Variants in SLC6A8 observed in about 807,000 individuals in gnomAD.
SLC6A8 encodes solute carrier family 6 member 8.
In SLC6A8, 6 loss-of-function variants were observed where a neutral mutation model predicts 48.3. The observed-to-expected ratio is 0.12, with a 90% confidence interval of 0.07 to 0.25. SLC6A8 has a LOEUF of 0.25. SLC6A8 is among the 10% of genes least tolerant of loss of function. SLC6A8 has a pLI of 1.00. For synonymous variants in SLC6A8, 245 were observed against 244.0 expected (o/e 1.00, Z -0.04); for missense variants, 260 against 551.5 (o/e 0.47, Z 5.29).
rs1191550831 is a variant in SLC6A8 at position 153,692,451 on chromosome X, C to T, written c.777+344C>T. On this transcript the variant is annotated intron_variant, in intron 4 of 12. Coordinates refer to ENST00000253122, the MANE Select transcript of SLC6A8 (RefSeq NM_005629.4). The stretch of plus-strand genomic sequence containing the variant: ...CCCAGAGCAGAGTCTGGCCACATCC[C>T]TTGGGGGCTCCTGGTCAGGCTGGGG... The T allele has an allele frequency of 2.8e-5, 10 of 353,885 alleles. No homozygotes were observed. In the East Asian group the frequency reaches 6.7e-4, roughly 24 times the overall value. The allele number at this position is 353,885 out of a possible 1,213,427, so 29.2% of individuals were successfully genotyped here.
chrX:153,693,839 A>T (rs2091471484), intron 7 of SLC6A8, 66 bp from the exon 8 acceptor site: 2 of 938,682 alleles, frequency 2.1e-6, no homozygotes, highest in African/African-American at 3.8e-5. Context: ...TGTTGCAGGC[A>T]GGGCTCAGGG....
intron 10 of SLC6A8, 24 bp downstream of exon 10, chrX:153,694,470 C>A: frequency 8.4e-7 from 1 of 1,194,328 alleles, no homozygotes; most frequent in Non-Finnish European, 1.1e-6. Flanking sequence ...GAGGGCTGGG[C>A]TGGGGGATGG....
Position 153,694,484 on chromosome X carries a change from C to T in SLC6A8, c.1495+38C>T, listed in dbSNP as rs200729826. 4.0e-3 allele frequency: 4,715 copies of T among 1,188,115 alleles called. 93 individuals carry two copies. The South Asian group carries it at 0.077, about 19-fold the overall frequency. ...TGAGGGCTGGGCTGGGGGATGGTGG[C>T]GGGGAAGGCAGGTCTCCAGCTTGGC... is the stretch of plus-strand genomic sequence containing the variant. On this transcript the variant is annotated intron_variant, in intron 10 of 12. Coordinates refer to ENST00000253122, the MANE Select transcript of SLC6A8 (RefSeq NM_005629.4).
In SLC6A8 at chrX:153,688,550, C is replaced by A; in HGVS notation, c.-25C>A. ...CCCCCGTGAGGCGCCGCGACCCCGGCCCGGCCGTGCGGCCCGCCGAGGCCA... is the reference window on the plus strand; with the variant it reads ...CCCCCGTGAGGCGCCGCGACCCCGGACCGGCCGTGCGGCCCGCCGAGGCCA... On this transcript the variant is annotated 5_prime_UTR_variant, in exon 1 of 13. Transcript: ENST00000253122. 1.1e-6 allele frequency: 1 copy of A among 921,672 alleles called. No individual in the cohort carries two copies. The highest frequency in any genetic ancestry group is 1.4e-6 in the Non-Finnish European group (1 of 725,577). 76.0% of individuals were successfully genotyped at this position (921,672 alleles called of 1,213,427 possible). A position where few individuals can be genotyped will look rare whatever the true frequency, so the allele number is the denominator to read the frequency against.
rs782226707 is a variant in SLC6A8 at position 153,696,174 on chromosome X, A to G, written c.*960A>G. 4 of 241,435 alleles carry G rather than the reference A, an allele frequency of 1.7e-5. No individual in the cohort carries two copies. In the Admixed American group the frequency reaches 2.2e-4, roughly 13 times the overall value. The allele number at this position is 241,435 out of a possible 1,213,427, so 19.9% of individuals were successfully genotyped here. ...GTCCCCAGCCCCAGACTGGATTGGA[A>G]AAGTGCATGGTGGGGGCCTCGGGGC... On this transcript the variant is annotated 3_prime_UTR_variant, in exon 13 of 13. Transcript: ENST00000253122.
intron 4 of SLC6A8, chrX:153,692,697 G>A: frequency 5.4e-6 from 2 of 372,012 alleles, no homozygotes; most frequent in Non-Finnish European, 1.0e-5. Context: ...CCCGCTCCCT[G>A]CCTGGGCCTC....
intron 4 of SLC6A8, chrX:153,692,663 G>T: frequency 2.9e-6 from 1 of 350,299 alleles, no homozygotes; most frequent in Non-Finnish European, 5.5e-6. Context: ...AGAAGAGGAG[G>T]GGGACCCGAC....
intron 1 of SLC6A8, among the ~76,000 whole-genome samples, chrX:153,690,010 C>T (rs1202384957): frequency 8.9e-6 from 1 of 112,914 alleles, no homozygotes; most frequent in Non-Finnish European, 1.9e-5. Context: ...CACACATGCA[C>T]GTGCCCTCAC....
In SLC6A8 at chrX:153,693,909, G is replaced by A. The variant is rs782627741; in HGVS notation, c.1146G>A (p.Pro382=). The stretch of plus-strand genomic sequence containing the variant: ...GAGCCTGCACCTTTCCCACAGGGCC[G>A]GGCCTGGCCTTCATCGCCTACCCGC... ...VHISKVAESG[P]GLAFIAYPRA... is the part of the protein sequence containing the mutation. The change falls in exon 8 of 13, where the codon CCG becomes CCA. Residue 382 remains proline (P), a synonymous_variant. Transcript: ENST00000253122. 38 of 1,160,068 alleles carry A rather than the reference G, an allele frequency of 3.3e-5. No individual in the cohort carries two copies. Among genetic ancestry groups the A allele is most frequent in the South Asian group, 1.7e-4 (9 of 52,678 alleles).
In SLC6A8 at chrX:153,695,421, G is replaced by C. The variant is rs6571290; in HGVS notation, c.*207G>C. ...AAAATATCACAACCCACCAAAAATA[G>C]ATGCCTCTCCCCCTCCAGCCCTAGC... On this transcript the variant is annotated 3_prime_UTR_variant, in exon 13 of 13. Coordinates refer to ENST00000253122, the MANE Select transcript of SLC6A8 (RefSeq NM_005629.4). 57,669 of 450,590 alleles carry C rather than the reference G, an allele frequency of 0.13. 3,475 individuals carry two copies. The highest frequency in any genetic ancestry group is 0.33 in the African/African-American group (13,292 of 39,989). The allele number at this position is 450,590 out of a possible 1,213,427, so 37.1% of individuals were successfully genotyped here.
rs782612329 is a variant in SLC6A8 at position 153,694,900 on chromosome X, C to CGCCCG, written c.1767+17_1767+21dup. On this transcript the variant is annotated intron_variant, in intron 12 of 12. Transcript: ENST00000253122. ...GGCACCATGGCTGAGGTAAGGCTCC[C>CGCCCG]GCCCGGCCCGCCCTCCCCTCCCCTG... 2 of 1,099,961 alleles carry CGCCCG rather than the reference C, an allele frequency of 1.8e-6. No homozygotes were observed. The highest frequency in any genetic ancestry group is 3.7e-5 in the African/African-American group (2 of 53,506). The allele number at this position is 1,099,961 out of a possible 1,213,427, so 90.6% of individuals were successfully genotyped here.
chrX:153,692,881 G>A, intron 4 of SLC6A8, 160 bp from the exon 5 acceptor site: 1 of 697,247 alleles, frequency 1.4e-6, no homozygotes, highest in Non-Finnish European at 2.2e-6. Flanking sequence ...AGGGCTGCCG[G>A]GGCGCAGCCT....
rs1557046123 is a variant in SLC6A8 at position 153,696,059 on chromosome X, AGT to A, written c.*849_*850del. On this transcript the variant is annotated 3_prime_UTR_variant, in exon 13 of 13. Coordinates refer to ENST00000253122, the MANE Select transcript of SLC6A8 (RefSeq NM_005629.4). ...CTTACCCCTCTGCCCCTAGCCAAGG[AGT>A]GTGAATTTATAGATCTAACTTTCAT... The A allele has an allele frequency of 1.2e-5, 2 of 167,075 alleles. No individual in the cohort carries two copies. Among genetic ancestry groups the A allele is most frequent in the Non-Finnish European group, 2.3e-5 (2 of 88,415 alleles). 13.8% of individuals were successfully genotyped at this position (167,075 alleles called of 1,213,427 possible).
chrX:153,693,239 C>A, intron 5 of SLC6A8, 24 bp from the exon 6 acceptor site: 1 of 1,208,051 alleles, frequency 8.3e-7, no homozygotes, highest in South Asian at 1.8e-5. Flanking sequence ...CCCCTCATGC[C>A]TGCGCTCTCC....
At chrX:153,694,667 G>A (rs782265961) in intron 11 of SLC6A8, 34 bp downstream of exon 11, 102 of 1,192,330 alleles carry the variant, frequency 8.6e-5, no homozygotes, top group Admixed American at 2.2e-4. Flanking sequence ...AGGGCGGGGG[G>A]CGAGGCAGGG....
chrX:153,694,956 G>A (rs1557045779), intron 12 of SLC6A8, 67 bp downstream of exon 12: 2 of 1,016,237 alleles, frequency 2.0e-6, no homozygotes, highest in African/African-American at 4.4e-5. Flanking sequence ...CTGCTTCCTA[G>A]CCAGGGAGTG....
In SLC6A8 at chrX:153,694,534, A is replaced by G. The variant is rs199640501; in HGVS notation, c.1497A>G (p.Gly499=). 16 of 1,206,235 alleles carry G rather than the reference A, an allele frequency of 1.3e-5. No individual in the cohort carries two copies. In the African/African-American group the frequency reaches 2.5e-4, roughly 19 times the overall value. Residue 499 remains glycine, a splice_region_variant and synonymous_variant, in exon 11 of 13, where the codon GGA becomes GGG. Transcript: ENST00000253122. ...WECVVVAWVY[G]ADRFMDDIAC... is the part of the protein sequence containing the mutation. ...CCCTCCCGCCTCACCTCGCCGCAGG[A>G]GCTGACCGCTTCATGGACGACATTG...
chrX:153,694,500 C>G (rs1406903387), intron 10 of SLC6A8, 33 bp from the exon 11 acceptor site: 7 of 1,188,483 alleles, frequency 5.9e-6, no homozygotes, highest in Non-Finnish European at 6.8e-6. Context: ...AGGCAGGTCT[C>G]CAGCTTGGCC....
In SLC6A8 at chrX:153,688,566, G is replaced by C; in HGVS notation, c.-9G>C. The C allele has an allele frequency of 1.0e-6, 1 of 998,247 alleles. No homozygotes were observed. The highest frequency in any genetic ancestry group is 1.3e-6 in the Non-Finnish European group (1 of 778,657). 82.3% of individuals were successfully genotyped at this position (998,247 alleles called of 1,213,427 possible). A position where few individuals can be genotyped will look rare whatever the true frequency, so the allele number is the denominator to read the frequency against. ...CGACCCCGGCCCGGCCGTGCGGCCCGCCGAGGCCATGGCGAAGAAGAGCGC... is the reference window on the plus strand; with the variant it reads ...CGACCCCGGCCCGGCCGTGCGGCCCCCCGAGGCCATGGCGAAGAAGAGCGC... On this transcript the variant is annotated 5_prime_UTR_variant, in exon 1 of 13. Transcript: ENST00000253122.
Sources: allele counts gnomAD v4.1 joint callset (sites outside exome capture counted in the v4.1 genomes callset), GRCh38; gene constraint gnomAD v4.1.1; transcripts MANE v1.5; gene names NCBI Gene and HGNC (gene_info 2026-07-23, HGNC 2026-07-21).